Variants in XKR6 observed in about 807,000 individuals in gnomAD.
The protein encoded by XKR6 is XK-related protein 6.
XKR6 carries 22 observed loss-of-function variants against 56.7 expected under a neutral mutation model. The ratio of observed to expected loss-of-function variants is 0.39; its 90% CI spans 0.28 to 0.55. XKR6 has a LOEUF of 0.55. Among genes scored for constraint, XKR6 ranks in the 20% least tolerant of loss-of-function variants. The pLI, the probability that XKR6 is intolerant of heterozygous loss-of-function variation, is 0.66. For missense variants in XKR6, 852 were observed against 889.0 expected, an observed-to-expected ratio of 0.96 and a Z score of 0.53; for synonymous variants, 524 against 387.8, an observed-to-expected ratio of 1.35 and a Z score of -4.13.
At chr8:11,158,675 A>G (rs1801643563) in intron 1 of XKR6, among the ~76,000 whole-genome samples, 2 of 152,202 alleles carry the variant, frequency 1.3e-5, no homozygotes, top group South Asian at 4.1e-4. Flanking sequence ...CTCTGTGCTC[A>G]ATTCTATTTA....
intron 1 of XKR6, among the ~76,000 whole-genome samples, chr8:11,018,919 T>TC (rs1249907236): frequency 1.3e-5 from 2 of 152,146 alleles, no homozygotes; most frequent in Admixed American, 1.3e-4. Flanking sequence ...CCAAAGGTGC[T>TC]CTGTCTCTCC....
intron 1 of XKR6, among the ~76,000 whole-genome samples, chr8:11,191,290 C>T (rs760816822): frequency 1.3e-5 from 2 of 152,112 alleles, no homozygotes; most frequent in Admixed American, 6.5e-5. Flanking sequence ...TAATTGATTC[C>T]GGCAAGGATT....
intron 1 of XKR6, among the ~76,000 whole-genome samples, chr8:11,154,779 C>T (rs541289009): frequency 1.8e-4 from 27 of 152,290 alleles, no homozygotes; most frequent in Admixed American, 1.4e-3. Flanking sequence ...ACAGGGTCTA[C>T]CCTTCAACTC....
chr8:10,922,408 G>A lies in XKR6; in HGVS notation c.961+2226C>T, dbSNP rs531765631. Among the ~76,000 whole-genome samples the A allele has an allele frequency of 1.5e-4, 23 of 152,232 alleles. No individual in the cohort carries two copies. In the South Asian group the frequency reaches 3.9e-3, roughly 26 times the overall value. ...GGAACCGGACATTGCCCTGCCAGTC[G>A]GCAGCACATCCTGGCACCAGGAGCT... On this transcript the variant is annotated intron_variant, in intron 2 of 2. Coordinates refer to ENST00000416569, the MANE Select transcript of XKR6 (RefSeq NM_173683.4).
chr8:11,089,824 C>T (rs529082209), intron 1 of XKR6, among the ~76,000 whole-genome samples: 3 of 152,052 alleles, frequency 2.0e-5, no homozygotes, highest in East Asian at 1.9e-4. Context: ...CTGGAGGAGC[C>T]GCTATACTGA....
rs183324165 is a variant in XKR6, at chr8:11,160,522, T to C, written c.764+40054A>G. ...TCTTCCACTGTCTGAGGGGCTCCAA[T>C]ACTGAAAAAGTAGACTTTGTATAGC... is the stretch of plus-strand genomic sequence containing the variant. On this transcript the variant is annotated intron_variant, in intron 1 of 2. Transcript: ENST00000416569. 3.9e-3 allele frequency among the ~76,000 whole-genome samples: 596 copies of C among 152,278 alleles called. 3 individuals carry two copies. The highest frequency in any genetic ancestry group is 0.014 in the African/African-American group (562 of 41,560).
chr8:10,965,179 G>A (rs1251703577), intron 1 of XKR6, among the ~76,000 whole-genome samples: 2 of 152,208 alleles, frequency 1.3e-5, no homozygotes, highest in South Asian at 2.1e-4. Context: ...GTGGACACAC[G>A]TCCTTCTTAA....
At chr8:11,048,097 G>A (rs775571869) in intron 1 of XKR6, among the ~76,000 whole-genome samples, 4 of 152,004 alleles carry the variant, frequency 2.6e-5, no homozygotes, top group Non-Finnish European at 4.4e-5. Flanking sequence ...TGTATCCTTC[G>A]ATCACACACC....
At position 11,024,663 on chromosome 8, in the gene XKR6, C is replaced by A. The variant is rs115140411; in HGVS notation, c.765-99833G>T. On this transcript the variant is annotated intron_variant, in intron 1 of 2. Transcript: ENST00000416569. ...AATCACCCTGACTATTTTGAGGCAA[C>A]CTTGCTCCCACATTTCCACCATCTG... is the stretch of plus-strand genomic sequence containing the variant. 7.8e-3 allele frequency among the ~76,000 whole-genome samples: 1,187 copies of A among 152,322 alleles called. 13 individuals are homozygous for A. Among genetic ancestry groups the A allele is most frequent in the African/African-American group, 0.027 (1,107 of 41,560 alleles).
chr8:11,094,126 G>A (rs1798183613), intron 1 of XKR6, among the ~76,000 whole-genome samples: 1 of 151,088 alleles, frequency 6.6e-6, no homozygotes, highest in South Asian at 2.1e-4. Flanking sequence ...GCCCAGGCTG[G>A]AGTGCCGTGG....
At chr8:11,035,582 C>T (rs1388393961) in intron 1 of XKR6, among the ~76,000 whole-genome samples, 1 of 152,216 alleles carries the variant, frequency 6.6e-6, no homozygotes, top group African/African-American at 2.4e-5. Context: ...AAGAACCCAG[C>T]TGCATCTCGA....
At chr8:11,080,221 C>T (rs1177695700) in intron 1 of XKR6, among the ~76,000 whole-genome samples, 2 of 151,900 alleles carry the variant, frequency 1.3e-5, no homozygotes, top group Non-Finnish European at 2.9e-5. Context: ...AAACCCTGGG[C>T]TCCCCTAGTC....
intron 1 of XKR6, among the ~76,000 whole-genome samples, chr8:11,147,482 C>A (rs1189469005): frequency 6.6e-6 from 1 of 151,558 alleles, no homozygotes; most frequent in Admixed American, 6.6e-5. Flanking sequence ...ATGGTGAAAC[C>A]CCATCTCTAC....
chr8:10,941,336 G>A (rs1349895604), intron 1 of XKR6, among the ~76,000 whole-genome samples: 2 of 152,210 alleles, frequency 1.3e-5, no homozygotes, highest in Admixed American at 6.5e-5. Flanking sequence ...TACCGCTTAG[G>A]AGCACTCAGC....
chr8:11,111,662 C>G (rs193126511), intron 1 of XKR6: 1 of 152,162 alleles, frequency 6.6e-6, no homozygotes, highest in Non-Finnish European at 1.5e-5. Context: ...TAACTGTCTC[C>G]AAAGCATGAC....
At chr8:10,972,683 A>G (rs1345374190) in intron 1 of XKR6, among the ~76,000 whole-genome samples, 1 of 152,194 alleles carries the variant, frequency 6.6e-6, no homozygotes, top group Non-Finnish European at 1.5e-5. Flanking sequence ...ACAAAGTAGA[A>G]CAGGCTTGCC....
intron 1 of XKR6, among the ~76,000 whole-genome samples, chr8:11,169,944 G>A (rs1013465920): frequency 6.6e-6 from 1 of 151,252 alleles, no homozygotes; most frequent in Admixed American, 6.6e-5. Context: ...AAAAGAGAGA[G>A]AGAGATGGGA....
At chr8:11,046,946 C>G (rs1009886653) in intron 1 of XKR6, among the ~76,000 whole-genome samples, 3 of 151,938 alleles carry the variant, frequency 2.0e-5, no homozygotes, top group Non-Finnish European at 4.4e-5. Flanking sequence ...CTAAACAACT[C>G]AAACTCATAG....
chr8:11,021,888 C>T (rs924313384), intron 1 of XKR6, among the ~76,000 whole-genome samples: 1 of 151,978 alleles, frequency 6.6e-6, no homozygotes, highest in East Asian at 1.9e-4. Context: ...TCCATATAAA[C>T]CTTTTTCCTC....
Sources: allele counts gnomAD v4.1 joint callset (sites outside exome capture counted in the v4.1 genomes callset), GRCh38; gene constraint gnomAD v4.1.1; transcripts MANE v1.5; gene names NCBI Gene and HGNC (gene_info 2026-07-23, HGNC 2026-07-21).